The following USP37 variants were observed in gnomAD, a reference collection of about 807,000 sequenced individuals.
USP37 encodes ubiquitin carboxyl-terminal hydrolase 37.
A neutral mutation model predicts 124.0 loss-of-function variants in USP37; 27 were observed. The ratio of observed to expected loss-of-function variants is 0.22; its 90% confidence interval spans 0.16 to 0.30. USP37 has a LOEUF of 0.30. Ranked by LOEUF, USP37 falls within the 10% of genes least tolerant of loss-of-function variation. The probability of loss-of-function intolerance (pLI) is 1.00; values close to 1 mark genes in which losing one functional copy is unlikely to be tolerated. For synonymous variants in USP37, 365 were observed against 388.0 expected (o/e 0.94, Z 0.70); for missense variants, 889 against 1,140.4 (o/e 0.78, Z 3.17).
chr2:218,537,903 GAC>G (rs1246713644), intron 8 of USP37, among the ~76,000 whole-genome samples: 6 of 152,180 alleles, frequency 3.9e-5, no homozygotes, highest in African/African-American at 1.2e-4. Flanking sequence ...CCCTGGAAGA[GAC>G]AGAGCATCTG....
Position 218,453,910 on chromosome 2 carries a change from CAGA to C in USP37, c.*1017_*1019del, listed in dbSNP as rs1162455744. Reference sequence around the variant, plus strand: ...CAGTGGTCCAGAATTTTAGCTTTACCAGAAGAACACTCTTCTTATCCTCCCTAT... The same window carrying C: ...CAGTGGTCCAGAATTTTAGCTTTACCAGAACACTCTTCTTATCCTCCCTAT... On this transcript the variant is annotated 3_prime_UTR_variant, in exon 26 of 26. Coordinates refer to ENST00000258399, the MANE Select transcript of USP37 (RefSeq NM_020935.3). 1.3e-5 allele frequency: 2 copies of C among 152,060 alleles called. No individual in the cohort carries two copies. The highest frequency in any genetic ancestry group is 6.6e-5 in the Admixed American group (1 of 15,246). 9.4% of individuals were successfully genotyped at this position (152,060 alleles called of 1,614,324 possible).
intron 18 of USP37, among the ~76,000 whole-genome samples, chr2:218,478,661 G>A (rs1423240376): frequency 6.6e-6 from 1 of 152,170 alleles, no homozygotes; most frequent in African/African-American, 2.4e-5. Context: ...TTGGTACATA[G>A]AGTGCATTCC....
rs1466723341 is a variant in USP37 at position 218,530,018 on chromosome 2, T to G, written c.801A>C (p.Ser267=). 1 of 1,612,834 alleles carries G rather than the reference T, an allele frequency of 6.2e-7. No individual in the cohort carries two copies. Among genetic ancestry groups the G allele is most frequent in the East Asian group, 2.2e-5 (1 of 44,860 alleles). Residue 267 remains serine (S), a synonymous_variant, in exon 10 of 26, where the codon TCA becomes TCC. Transcript: ENST00000258399. ...ATCCAGCTCTGCTACCATAAAAGGA[T>G]GATGACTGTAAAGGTAAAAGCCCTA... ...RTSGLLPLQS[S]SFYGSRAGSK...
intron 16 of USP37, among the ~76,000 whole-genome samples, chr2:218,484,973 T>C (rs928205255): frequency 6.6e-6 from 1 of 152,146 alleles, no homozygotes; most frequent in East Asian, 1.9e-4. Context: ...TATCAGAAAA[T>C]TTATCTTATG....
chr2:218,488,725 T>C (rs1691736235), intron 14 of USP37, among the ~76,000 whole-genome samples: 1 of 152,074 alleles, frequency 6.6e-6, no homozygotes, highest in Non-Finnish European at 1.5e-5. Flanking sequence ...AACCTCCGCC[T>C]CCCGGGTTCA....
chr2:218,535,733 T>C (rs1165712791), intron 8 of USP37, among the ~76,000 whole-genome samples: 1 of 151,838 alleles, frequency 6.6e-6, no homozygotes, highest in Non-Finnish European at 1.5e-5. Flanking sequence ...CGGGCACCTG[T>C]AGTCCCATCT....
At chr2:218,536,485 G>C (rs1481333171) in intron 8 of USP37, among the ~76,000 whole-genome samples, 6 of 152,124 alleles carry the variant, frequency 3.9e-5, no homozygotes, top group Non-Finnish European at 7.4e-5. Context: ...AAACAAGGCC[G>C]GGCGCTACAG....
chr2:218,522,598 T>G (rs1209542941), intron 10 of USP37, among the ~76,000 whole-genome samples: 1 of 151,522 alleles, frequency 6.6e-6, no homozygotes, highest in Non-Finnish European at 1.5e-5. Context: ...TCTTTTTTTT[T>G]TGTATGGGCG....
At position 218,553,716 on chromosome 2, in the gene USP37, A is replaced by C. The variant is rs1165279052; in HGVS notation, c.165T>G (p.His55Gln). The change falls in exon 5 of 26, where the codon CAT becomes CAG. Residue 55 changes from histidine to glutamine, a missense_variant. Physicochemically the swap from His to Gln is conservative, Grantham distance 24. Around this residue, in one of 3 missense-constraint regions of USP37, gnomAD observed 374 missense variants for 386.0 expected, o/e 0.97. Transcript: ENST00000258399. ...GTCGAAGCACCACATTTTTAATGTTATGACTTAGCTAATCAAGACAAAAGG... is the reference window on the plus strand; with the variant it reads ...GTCGAAGCACCACATTTTTAATGTTCTGACTTAGCTAATCAAGACAAAAGG... ...GGIPRIFQLS[H>Q]NIKNVVLRPS... 1.2e-6 allele frequency: 2 copies of C among 1,608,104 alleles called. No homozygotes were observed. Among genetic ancestry groups the C allele is most frequent in the Non-Finnish European group, 1.7e-6 (2 of 1,177,100 alleles).
At chr2:218,550,470 G>A (rs1692603587) in intron 5 of USP37, among the ~76,000 whole-genome samples, 1 of 151,926 alleles carries the variant, frequency 6.6e-6, no homozygotes, top group Non-Finnish European at 1.5e-5. Context: ...ATTTCCAACT[G>A]ATGACCATTT....
intron 2 of USP37, among the ~76,000 whole-genome samples, chr2:218,562,307 T>C (rs1693353699): frequency 6.6e-6 from 1 of 152,192 alleles, no homozygotes; most frequent in Non-Finnish European, 1.5e-5. Flanking sequence ...GTAATGGTAA[T>C]TGTCTTATTA....
chr2:218,485,501 G>A (rs1487387065), intron 16 of USP37, among the ~76,000 whole-genome samples, 163 bp downstream of exon 16: 1 of 151,884 alleles, frequency 6.6e-6, no homozygotes, highest in Non-Finnish European at 1.5e-5. Flanking sequence ...CTTACACTCT[G>A]CACATTTCAG....
At chr2:218,455,441 C>A in intron 25 of USP37, 139 bp downstream of exon 25, 1 of 1,081,706 alleles carries the variant, frequency 9.2e-7, no homozygotes, top group Non-Finnish European at 1.3e-6. Flanking sequence ...AGAGATAGAC[C>A]CTAACCAAAG....
intron 10 of USP37, among the ~76,000 whole-genome samples, chr2:218,526,026 T>C (rs1690937110): frequency 6.6e-6 from 1 of 152,178 alleles, no homozygotes. Flanking sequence ...ATCTCATTCT[T>C]TTTTTATGGC....
At chr2:218,529,419 A>C (rs1691178598) in intron 10 of USP37, among the ~76,000 whole-genome samples, 2 of 151,770 alleles carry the variant, frequency 1.3e-5, no homozygotes, top group Non-Finnish European at 2.9e-5. Flanking sequence ...GCAGTGAGCC[A>C]AGATAGCACC....
chr2:218,553,656 A>G lies in USP37; in HGVS notation c.225T>C (p.Thr75=). The G allele has an allele frequency of 6.2e-7, 1 of 1,614,086 alleles. No individual in the cohort carries two copies. Among genetic ancestry groups the G allele is most frequent in the South Asian group, 1.1e-5 (1 of 91,062 alleles). Residue 75 remains threonine, a synonymous_variant, in exon 5 of 26, where the codon ACT becomes ACC. Transcript: ENST00000258399. ...SGAKQSRLML[T]LQDNSFLSID... ...TAGACAAGAAGCTGTTATCTTGCAGAGTTAACATTAGGCGGCTTTGTTTCG... is the reference window on the plus strand; with the variant it reads ...TAGACAAGAAGCTGTTATCTTGCAGGGTTAACATTAGGCGGCTTTGTTTCG...
At chr2:218,462,521 G>C (rs951456609) in intron 22 of USP37, among the ~76,000 whole-genome samples, 1 of 152,058 alleles carries the variant, frequency 6.6e-6, no homozygotes, top group African/African-American at 2.4e-5. Flanking sequence ...CAAATGCTAC[G>C]ACATGTGAAC....
chr2:218,470,516 A>G (rs965113949), intron 20 of USP37, among the ~76,000 whole-genome samples: 5 of 152,246 alleles, frequency 3.3e-5, no homozygotes, highest in African/African-American at 1.2e-4. Context: ...AAAATATCCA[A>G]TAACTTCCTA....
chr2:218,507,811 A>C (rs952664667), intron 11 of USP37, among the ~76,000 whole-genome samples: 4 of 152,142 alleles, frequency 2.6e-5, no homozygotes, highest in African/African-American at 9.7e-5. Flanking sequence ...TCTTCTCTAT[A>C]AGTAATGATT....
Sources: gnomAD v4.1 joint callset for allele counts (sites outside exome capture counted in the v4.1 genomes callset) on GRCh38, gnomAD v4.1.1 for gene constraint, gnomAD v4.1.1 regional missense constraint, MANE v1.5 for transcripts, NCBI Gene and HGNC (gene_info 2026-07-23, HGNC 2026-07-21) for gene names.